Variants in FAAH2 observed in about 807,000 individuals in gnomAD.
The protein encoded by FAAH2 is fatty-acid amide hydrolase 2.
FAAH2 carries 60 observed loss-of-function variants against 36.9 expected under a neutral mutation model. The observed-to-expected ratio is 1.63, with a 90% CI of 1.32 to 2.02. FAAH2 has a LOEUF of 2.02. Ranked by LOEUF, FAAH2 falls within the 30% of genes most tolerant of loss-of-function variation. FAAH2 has a pLI of 0.00. For missense variants in FAAH2, 689 were observed against 397.5 expected, an observed-to-expected ratio of 1.73 and a Z score of -6.23; for synonymous variants, 214 against 143.8, an observed-to-expected ratio of 1.49 and a Z score of -3.49.
the FAAH2 span, among the ~76,000 whole-genome samples, chrX:57,176,619 T>C: frequency 8.9e-6 from 1 of 112,067 alleles, no homozygotes; most frequent in Admixed American, 9.5e-5. Context: ...AGAGATAGTA[T>C]GATCTTTTTC....
chrX:57,271,232 G>A, the FAAH2 span, among the ~76,000 whole-genome samples: 2 of 112,827 alleles, frequency 1.8e-5, no homozygotes, highest in South Asian at 7.3e-4. Context: ...TTCGAACTGG[G>A]CAGAGCCCAC....
the FAAH2 span, among the ~76,000 whole-genome samples, chrX:57,281,446 ATTAG>A: frequency 4.5e-5 from 5 of 112,134 alleles, no homozygotes; most frequent in Admixed American, 4.7e-4. Flanking sequence ...TTGTTTTTAT[ATTAG>A]TTAGTATTTG....
chrX:57,215,710 C>T, the FAAH2 span, among the ~76,000 whole-genome samples: 22 of 109,737 alleles, frequency 2.0e-4, no homozygotes, highest in African/African-American at 5.6e-4. Context: ...CAAACTAACA[C>T]GGGAACAGGA....
the FAAH2 span, among the ~76,000 whole-genome samples, chrX:57,182,706 G>A: frequency 9.0e-6 from 1 of 111,095 alleles, no homozygotes; most frequent in Non-Finnish European, 1.9e-5. Context: ...ATATACAAAG[G>A]AATATCAATC....
At chrX:57,381,495 T>C in intron 7 of FAAH2, 1 of 638,987 alleles carries the variant, frequency 1.6e-6, no homozygotes, top group Non-Finnish European at 1.9e-6. Context: ...GGAACAGACC[T>C]ACCAAATTTT....
intron 10 of FAAH2, among the ~76,000 whole-genome samples, chrX:57,476,623 T>C (rs1394931228): frequency 9.0e-6 from 1 of 111,391 alleles, no homozygotes; most frequent in Non-Finnish European, 1.9e-5. Context: ...TTGATGTACA[T>C]CAGAGATGGT....
chrX:57,444,858 G>A (rs921763223), intron 8 of FAAH2, among the ~76,000 whole-genome samples: 1 of 111,774 alleles, frequency 8.9e-6, no homozygotes, highest in Non-Finnish European at 1.9e-5. Flanking sequence ...TTTAAAAAAT[G>A]TCTCTGACGG....
intron 7 of FAAH2, among the ~76,000 whole-genome samples, chrX:57,410,523 C>CTA (rs779817481): frequency 1.2e-3 from 135 of 111,449 alleles, no homozygotes; most frequent in Non-Finnish European, 1.9e-3. Flanking sequence ...CTTTATGTAG[C>CTA]TATATATATC....
At chrX:57,260,080 T>C in the FAAH2 span, among the ~76,000 whole-genome samples, 1 of 111,853 alleles carries the variant, frequency 8.9e-6, no homozygotes, top group African/African-American at 3.2e-5. Flanking sequence ...CAATCATTGA[T>C]ATGTTTAAGG....
chrX:57,452,409 A>G, intron 10 of FAAH2: 1 of 678,069 alleles, frequency 1.5e-6, no homozygotes, highest in Non-Finnish European at 1.8e-6. Context: ...CTGAGAACAA[A>G]CTTGACTTTG....
At position 57,443,942 on chromosome X, in the gene FAAH2, G is replaced by A. The variant is rs974833660; in HGVS notation, c.1117-2986G>A. Among the ~76,000 whole-genome samples the A allele has an allele frequency of 2.7e-5, 3 of 111,867 alleles. No homozygotes were observed. In the Admixed American group the frequency reaches 2.9e-4, roughly 11 times the overall value. On this transcript the variant is annotated intron_variant, in intron 8 of 10. Coordinates refer to ENST00000374900, the MANE Select transcript of FAAH2 (RefSeq NM_174912.4). ...GCAGAACAGCAAATATTGCAGAATG[G>A]CTGATGTTGCTGCCTGATCCTTCCT... is the stretch of plus-strand genomic sequence containing the variant.
intron 2 of FAAH2, among the ~76,000 whole-genome samples, chrX:57,300,386 T>G (rs1351531780): frequency 1.8e-5 from 2 of 111,855 alleles, no homozygotes; most frequent in African/African-American, 6.5e-5. Context: ...AATGGTTCTG[T>G]GAAAACCGGC....
At chrX:57,479,095 C>A (rs912615483) in intron 10 of FAAH2, among the ~76,000 whole-genome samples, 2 of 111,565 alleles carry the variant, frequency 1.8e-5, no homozygotes, top group Admixed American at 1.9e-4. Context: ...GCCATTTTCA[C>A]GATATTGATT....
At chrX:57,203,150 A>T in the FAAH2 span, among the ~76,000 whole-genome samples, 1 of 112,063 alleles carries the variant, frequency 8.9e-6, no homozygotes, top group African/African-American at 3.2e-5. Flanking sequence ...AGCCCTGAAC[A>T]GAGATTTACC....
chrX:57,180,183 A>G, the FAAH2 span, among the ~76,000 whole-genome samples: 15 of 111,668 alleles, frequency 1.3e-4, no homozygotes, highest in Non-Finnish European at 2.3e-4. Flanking sequence ...CAAATTAACA[A>G]TCTAACATTA....
intron 7 of FAAH2, among the ~76,000 whole-genome samples, chrX:57,422,704 T>C (rs1258731460): frequency 9.0e-6 from 1 of 111,410 alleles, no homozygotes; most frequent in Non-Finnish European, 1.9e-5. Context: ...ATTGCCTCTG[T>C]CCCTCTGTGG....
chrX:57,128,748 TAG>T, the FAAH2 span, among the ~76,000 whole-genome samples: 4 of 112,208 alleles, frequency 3.6e-5, no homozygotes, highest in African/African-American at 1.3e-4. Flanking sequence ...CAAGTATTTA[TAG>T]AGTGTCTCCT....
At chrX:57,313,509 A>AG (rs1159046862) in intron 3 of FAAH2, among the ~76,000 whole-genome samples, 1 of 110,612 alleles carries the variant, frequency 9.0e-6, no homozygotes, top group Non-Finnish European at 1.9e-5. Flanking sequence ...GCTAGAGAGA[A>AG]GGGTTAAGTC....
At chrX:57,162,866 A>C in the FAAH2 span, among the ~76,000 whole-genome samples, 1 of 112,812 alleles carries the variant, frequency 8.9e-6, no homozygotes, top group Non-Finnish European at 1.9e-5. Flanking sequence ...CAGCTTGTCA[A>C]AGTCAATCTC....
Sources: gnomAD v4.1 joint callset for allele counts (sites outside exome capture counted in the v4.1 genomes callset) on GRCh38, gnomAD v4.1.1 for gene constraint, MANE v1.5 for transcripts, NCBI Gene and HGNC (gene_info 2026-07-23, HGNC 2026-07-21) for gene names.